Variants in USP37 observed in about 807,000 individuals in gnomAD.
USP37 encodes ubiquitin carboxyl-terminal hydrolase 37.
USP37 carries 27 observed loss-of-function variants against 124.0 expected under a neutral mutation model. That is an observed-to-expected ratio of 0.22 (90% confidence interval 0.16 to 0.30). The LOEUF (loss-of-function observed/expected upper bound fraction) is 0.30. Ranked by LOEUF, USP37 falls within the 10% of genes least tolerant of loss-of-function variation. The probability of loss-of-function intolerance (pLI) is 1.00; values close to 1 mark genes in which losing one functional copy is unlikely to be tolerated. For synonymous variants in USP37, 365 were observed against 388.0 expected, an observed-to-expected ratio of 0.94 and a Z score of 0.70; for missense variants, 889 against 1,140.4, an observed-to-expected ratio of 0.78 and a Z score of 3.17.
At chr2:218,474,088 C>T (rs1371639997) in intron 20 of USP37, among the ~76,000 whole-genome samples, 1 of 152,134 alleles carries the variant, frequency 6.6e-6, no homozygotes, top group Non-Finnish European at 1.5e-5. Context: ...TACCCTAACA[C>T]CTGGTGTAAA....
intron 13 of USP37, among the ~76,000 whole-genome samples, chr2:218,497,333 A>C (rs1689135984): frequency 6.6e-6 from 1 of 151,614 alleles, no homozygotes. Flanking sequence ...GGCCTCCCAA[A>C]GTGCTGGGAT....
chr2:218,482,569 T>C (rs1229166140), intron 16 of USP37, among the ~76,000 whole-genome samples: 2 of 152,210 alleles, frequency 1.3e-5, no homozygotes, highest in South Asian at 2.1e-4. Flanking sequence ...CACTGTTACA[T>C]AGTTTAAAAA....
intron 10 of USP37, among the ~76,000 whole-genome samples, chr2:218,525,887 T>C (rs1456035903): frequency 6.6e-6 from 1 of 152,168 alleles, no homozygotes; most frequent in Non-Finnish European, 1.5e-5. Flanking sequence ...CTACTCTATA[T>C]GTCCACGTGT....
intron 4 of USP37, among the ~76,000 whole-genome samples, 195 bp from the exon 5 acceptor site, chr2:218,553,919 G>T (rs533319623): frequency 2.0e-5 from 3 of 152,204 alleles, no homozygotes; most frequent in Admixed American, 2.0e-4. Flanking sequence ...TTTAGGAGAT[G>T]CAAACACATG....
chr2:218,467,554 G>C (rs1380798714), intron 20 of USP37, among the ~76,000 whole-genome samples: 1 of 152,034 alleles, frequency 6.6e-6, no homozygotes, highest in Non-Finnish European at 1.5e-5. Flanking sequence ...TCACCATCTT[G>C]GTCAGGCTGG....
intron 24 of USP37, among the ~76,000 whole-genome samples, chr2:218,456,834 G>C (rs1422013977): frequency 1.3e-5 from 2 of 152,038 alleles, no homozygotes; most frequent in Non-Finnish European, 2.9e-5. Flanking sequence ...GCTGGGCGTG[G>C]TGGTGCATGC....
chr2:218,545,621 G>A (rs1003940098), intron 8 of USP37, among the ~76,000 whole-genome samples: 1 of 151,916 alleles, frequency 6.6e-6, no homozygotes, highest in Non-Finnish European at 1.5e-5. Context: ...AACTGATTCT[G>A]TTAAGGTATT....
intron 1 of USP37, among the ~76,000 whole-genome samples, chr2:218,567,371 C>T (rs922144574): frequency 4.1e-4 from 63 of 152,264 alleles, no homozygotes; most frequent in African/African-American, 1.5e-3. Flanking sequence ...GCACTATACT[C>T]TTTTTCGGCA....
intron 19 of USP37, 43 bp downstream of exon 19, chr2:218,476,796 GA>G: frequency 6.4e-7 from 1 of 1,569,760 alleles, no homozygotes. Flanking sequence ...GACAGTAAGA[GA>G]TAAACAAATC....
chr2:218,556,503 G>GT (rs34907421), intron 4 of USP37, among the ~76,000 whole-genome samples: 23,244 of 53,638 alleles, frequency 0.43, 9,205 homozygotes, highest in East Asian at 0.71. Context: ...GGGTTTTTCT[G>GT]TTTTTTTTTT....
chr2:218,455,337 A>G (rs1287096764), intron 25 of USP37, among the ~76,000 whole-genome samples: 1 of 152,188 alleles, frequency 6.6e-6, no homozygotes, highest in Admixed American at 6.5e-5. Flanking sequence ...CATAAAACAA[A>G]CTGTCTTAAC....
chr2:218,488,905 G>T (rs1327267005), intron 14 of USP37, among the ~76,000 whole-genome samples: 4 of 152,112 alleles, frequency 2.6e-5, no homozygotes, highest in Non-Finnish European at 5.9e-5. Context: ...AAAGTACTGG[G>T]ATTACAGGCG....
intron 10 of USP37, among the ~76,000 whole-genome samples, chr2:218,529,090 G>A (rs1265990918): frequency 4.6e-5 from 7 of 152,206 alleles, no homozygotes; most frequent in Middle Eastern, 6.8e-3. Flanking sequence ...ATTGTCTGTC[G>A]CAATCTATGG....
chr2:218,525,893 C>A, intron 10 of USP37, among the ~76,000 whole-genome samples: 1 of 152,246 alleles, frequency 6.6e-6, no homozygotes, highest in South Asian at 2.1e-4. Context: ...TATATGTCCA[C>A]GTGTTCTCAT....
Position 218,474,631 on chromosome 2 carries a change from C to T in USP37, c.2298G>A (p.Leu766=). The T allele has an allele frequency of 1.2e-6, 2 of 1,613,922 alleles. No individual in the cohort carries two copies. The highest frequency in any genetic ancestry group is 2.2e-5 in the East Asian group (1 of 44,894). The change falls in exon 20 of 26, where the codon CTG becomes CTA. Residue 766 remains leucine, a splice_region_variant and synonymous_variant. Coordinates refer to ENST00000258399, the MANE Select transcript of USP37 (RefSeq NM_020935.3). The part of the protein sequence containing the change: ...ETEKPKTITE[L]DPASFTEITK... ...AGGTTTAATCTTCATTAAACCTACC[C>T]AGCTCTGTGATTGTTTTGGGCTTCT... is the stretch of plus-strand genomic sequence containing the variant.
chr2:218,485,999 T>G, intron 15 of USP37: 1 of 386,228 alleles, frequency 2.6e-6, no homozygotes, highest in East Asian at 4.3e-5. Context: ...TGATAGTAAC[T>G]AGACTCTAAA....
At chr2:218,550,526 T>C (rs539809355) in intron 5 of USP37, among the ~76,000 whole-genome samples, 135 of 152,120 alleles carry the variant, frequency 8.9e-4, no homozygotes, top group Admixed American at 1.6e-3. Context: ...TTAACATCCT[T>C]TCACAAACCT....
At chr2:218,550,491 A>C (rs1692604786) in intron 5 of USP37, among the ~76,000 whole-genome samples, 2 of 152,138 alleles carry the variant, frequency 1.3e-5, no homozygotes, top group Admixed American at 1.3e-4. Context: ...GAAATGTTTT[A>C]ATTTTTCAAA....
At chr2:218,536,442 C>G (rs889491146) in intron 8 of USP37, among the ~76,000 whole-genome samples, 4 of 152,214 alleles carry the variant, frequency 2.6e-5, no homozygotes, top group African/African-American at 9.7e-5. Context: ...CCTCAAGTTA[C>G]TAGAGATACT....
Sources: allele counts gnomAD v4.1 joint callset (sites outside exome capture counted in the v4.1 genomes callset), GRCh38; gene constraint gnomAD v4.1.1; transcripts MANE v1.5; gene names NCBI Gene and HGNC (gene_info 2026-07-23, HGNC 2026-07-21).